The following CADM2 variants were observed in gnomAD, a reference collection of about 807,000 sequenced individuals.
The protein encoded by CADM2 is cell adhesion molecule 2, also known as immunoglobulin superfamily member 4D.
In CADM2, 12 loss-of-function variants were observed where a neutral mutation model predicts 49.8. The ratio of observed to expected loss-of-function variants is 0.24; its 90% CI spans 0.15 to 0.39. The LOEUF (loss-of-function observed/expected upper bound fraction) is 0.39, where lower values mean the gene tolerates loss of function less well. Among genes scored for constraint, CADM2 ranks in the 10% least tolerant of loss-of-function variants. The pLI is 1.00. For missense variants in CADM2, 378 were observed against 492.3 expected (o/e 0.77, Z 2.20); for synonymous variants, 214 against 175.4 (o/e 1.22, Z -1.74).
chr3:85,566,684 C>T (rs1324144585), intron 1 of CADM2, among the ~76,000 whole-genome samples: 6 of 152,008 alleles, frequency 3.9e-5, no homozygotes, highest in African/African-American at 9.7e-5. Context: ...TATTAGAATC[C>T]GAGTGTGTTG....
chr3:85,590,986 C>G (rs67955391), intron 1 of CADM2, among the ~76,000 whole-genome samples: 77,513 of 151,048 alleles, frequency 0.51, 22,882 homozygotes, highest in East Asian at 0.85. Context: ...TTTTGTAGTG[C>G]TTAAGCTAGA....
chr3:85,449,081 A>AT (rs56719692), intron 1 of CADM2, among the ~76,000 whole-genome samples: 47,755 of 146,850 alleles, frequency 0.33, 9,697 homozygotes, highest in East Asian at 0.74. Flanking sequence ...AATAATGATA[A>AT]AAATTATATA....
intron 2 of CADM2, among the ~76,000 whole-genome samples, chr3:85,734,693 ATATATATTTTAAATATAATG>A (rs1275467055): frequency 1.1e-4 from 16 of 147,680 alleles, no homozygotes; most frequent in Admixed American, 3.4e-4. Context: ...TAAATATAAT[ATATATATTTTAAATATAATG>A]TGTATATCTT....
At chr3:84,995,636 C>CCTAAGTACTTGCCTACAAAAGAGATTA (rs1302636846) in intron 1 of CADM2, among the ~76,000 whole-genome samples, 2 of 152,084 alleles carry the variant, frequency 1.3e-5, no homozygotes, top group South Asian at 2.1e-4. Flanking sequence ...ATATGTAGTG[C>CCTAAGTACTTGCCTACAAAAGAGATTA]CTAAGTACTT....
chr3:85,083,632 G>A (rs1039233124), intron 1 of CADM2, among the ~76,000 whole-genome samples: 1 of 151,870 alleles, frequency 6.6e-6, no homozygotes, highest in African/African-American at 2.4e-5. Context: ...GTTGTCTTAT[G>A]GTATATAGTT....
chr3:85,480,128 A>C (rs1171741568), intron 1 of CADM2, among the ~76,000 whole-genome samples: 1 of 151,904 alleles, frequency 6.6e-6, no homozygotes, highest in Non-Finnish European at 1.5e-5. Flanking sequence ...TATAAACTGC[A>C]GAGATAAATA....
chr3:85,359,666 A>ATATATATATATATTTTTTTTTTT, intron 1 of CADM2, among the ~76,000 whole-genome samples: 11 of 26,548 alleles, frequency 4.1e-4, no homozygotes, highest in South Asian at 1.4e-3. Flanking sequence ...ATATATATAT[A>ATATATATATATATTTTTTTTTTT]TTTTTTTTTT....
At chr3:86,011,802 C>T (rs140276798) in intron 8 of CADM2, among the ~76,000 whole-genome samples, 88 of 151,846 alleles carry the variant, frequency 5.8e-4, no homozygotes, top group African/African-American at 1.6e-3. Flanking sequence ...AAGGTGGAAA[C>T]GTACGAACAT....
At chr3:85,182,529 T>C (rs1462427827) in intron 1 of CADM2, among the ~76,000 whole-genome samples, 1 of 152,084 alleles carries the variant, frequency 6.6e-6, no homozygotes, top group Non-Finnish European at 1.5e-5. Context: ...AAAGTGTTGA[T>C]GACAAGGAAT....
chr3:85,984,543 T>C (rs1727863216), intron 8 of CADM2, among the ~76,000 whole-genome samples: 1 of 151,850 alleles, frequency 6.6e-6, no homozygotes. Context: ...TGAACTTTTA[T>C]ACTTAGGACA....
chr3:85,017,828 C>T (rs896298150), intron 1 of CADM2, among the ~76,000 whole-genome samples: 2 of 152,132 alleles, frequency 1.3e-5, no homozygotes, highest in African/African-American at 4.8e-5. Context: ...GGTTAATTAT[C>T]TTAATGATTT....
At chr3:85,508,823 A>G (rs1224931026) in intron 1 of CADM2, among the ~76,000 whole-genome samples, 1 of 111,952 alleles carries the variant, frequency 8.9e-6, no homozygotes, top group Non-Finnish European at 1.8e-5. Context: ...CTGAAAGGAT[A>G]TCTCTGTGTG....
At chr3:85,940,165 A>C (rs1680643385) in intron 7 of CADM2, among the ~76,000 whole-genome samples, 2 of 23,044 alleles carry the variant, frequency 8.7e-5, no homozygotes, top group Admixed American at 5.2e-4. Flanking sequence ...CTAAAAATAC[A>C]AAAAAAAAAA....
At chr3:85,311,407 GCT>G (rs2044340186) in intron 1 of CADM2, among the ~76,000 whole-genome samples, 2 of 149,218 alleles carry the variant, frequency 1.3e-5, no homozygotes, top group Non-Finnish European at 3.0e-5. Flanking sequence ...ACGGAGTCTC[GCT>G]CTGTCACCCA....
At chr3:86,031,925 T>C (rs1578006374) in intron 8 of CADM2, among the ~76,000 whole-genome samples, 1 of 151,646 alleles carries the variant, frequency 6.6e-6, no homozygotes, top group African/African-American at 2.4e-5. Context: ...AGAGAACTAA[T>C]TGGGGACAAT....
chr3:85,594,352 A>T (rs2063187199), intron 1 of CADM2, among the ~76,000 whole-genome samples: 1 of 151,830 alleles, frequency 6.6e-6, no homozygotes, highest in Admixed American at 6.6e-5. Flanking sequence ...GAAATTATTT[A>T]TTTATTTATT....
At chr3:85,478,970 G>C (rs2039094546) in intron 1 of CADM2, among the ~76,000 whole-genome samples, 1 of 151,396 alleles carries the variant, frequency 6.6e-6, no homozygotes, top group Admixed American at 6.6e-5. Flanking sequence ...CTAGAGACAG[G>C]GTCTCTCTCT....
chr3:85,812,804 G>T (rs943787594), intron 3 of CADM2, among the ~76,000 whole-genome samples: 1 of 151,986 alleles, frequency 6.6e-6, no homozygotes, highest in Non-Finnish European at 1.5e-5. Context: ...GTGGTGTTTG[G>T]TTTTCCGTTC....
intron 1 of CADM2, among the ~76,000 whole-genome samples, chr3:85,283,225 C>A (rs2043548691): frequency 6.6e-6 from 1 of 151,720 alleles, no homozygotes; most frequent in South Asian, 2.1e-4. Flanking sequence ...TTTGAAATTA[C>A]AATGTAGTTT....
Sources: allele counts gnomAD v4.1 joint callset (sites outside exome capture counted in the v4.1 genomes callset), GRCh38; gene constraint gnomAD v4.1.1; transcripts MANE v1.5; gene names NCBI Gene and HGNC (gene_info 2026-07-23, HGNC 2026-07-21).